GLIS3: variants seen among roughly 807,000 people sequenced by gnomAD.
GLIS3 encodes zinc finger protein GLIS3.
A neutral mutation model predicts 78.6 loss-of-function variants in GLIS3; 53 were observed. The observed-to-expected ratio is 0.67, with a 90% CI of 0.54 to 0.85. The LOEUF (loss-of-function observed/expected upper bound fraction) is 0.85, where lower values mean the gene tolerates loss of function less well. Ranked by LOEUF, GLIS3 falls within the 40% of genes least tolerant of loss-of-function variation. GLIS3 has a pLI of 0.00. For synonymous variants in GLIS3, 684 were observed against 509.9 expected (o/e 1.34, Z -4.60); for missense variants, 1,703 against 1,231.1 (o/e 1.38, Z -5.74).
intron 2 of GLIS3, among the ~76,000 whole-genome samples, chr9:4,281,026 T>A (rs1827496537): frequency 6.6e-6 from 1 of 152,242 alleles, no homozygotes; most frequent in South Asian, 2.1e-4. Context: ...GTTGCATTTA[T>A]CAAGTAGTTA....
chr9:4,383,246 T>C, the GLIS3 span, among the ~76,000 whole-genome samples: 1 of 152,232 alleles, frequency 6.6e-6, no homozygotes, highest in East Asian at 1.9e-4. Flanking sequence ...AAAAAACGCT[T>C]AACGAATTTG....
At chr9:4,051,240 T>A (rs768881881) in intron 4 of GLIS3, among the ~76,000 whole-genome samples, 13 of 152,194 alleles carry the variant, frequency 8.5e-5, no homozygotes, top group Non-Finnish European at 1.3e-4. Flanking sequence ...TAACAAGACA[T>A]TCAATTGCTT....
At chr9:3,947,656 T>C (rs1016504413) in intron 4 of GLIS3, among the ~76,000 whole-genome samples, 13 of 152,364 alleles carry the variant, frequency 8.5e-5, no homozygotes, top group African/African-American at 3.1e-4. Flanking sequence ...TGGCCCACAC[T>C]GAGTTTATTC....
At chr9:3,971,953 A>G (rs372847002) in intron 4 of GLIS3, among the ~76,000 whole-genome samples, 143 of 152,220 alleles carry the variant, frequency 9.4e-4, no homozygotes, top group African/African-American at 3.4e-3. Flanking sequence ...TGCTCTGGAG[A>G]AAACAGTGAG....
At chr9:4,422,456 C>T in the GLIS3 span, among the ~76,000 whole-genome samples, 1 of 152,156 alleles carries the variant, frequency 6.6e-6, no homozygotes, top group African/African-American at 2.4e-5. Flanking sequence ...ATGGTTTCCC[C>T]AGGATTTGGG....
At chr9:4,240,036 A>G (rs1322472655) in intron 2 of GLIS3, among the ~76,000 whole-genome samples, 1 of 151,458 alleles carries the variant, frequency 6.6e-6, no homozygotes, top group African/African-American at 2.4e-5. Flanking sequence ...TTTTTTTTTC[A>G]GTTCCAACTG....
the GLIS3 span, among the ~76,000 whole-genome samples, chr9:4,467,115 G>A: frequency 6.6e-6 from 1 of 152,226 alleles, no homozygotes; most frequent in Admixed American, 6.5e-5. Context: ...CGCTTGAGCA[G>A]GTAAACAAAG....
intron 4 of GLIS3, among the ~76,000 whole-genome samples, chr9:4,092,939 C>A (rs1829647130): frequency 6.6e-6 from 1 of 152,174 alleles, no homozygotes; most frequent in African/African-American, 2.4e-5. Flanking sequence ...ACCAGAATCA[C>A]CCCCATGCAC....
intron 2 of GLIS3, among the ~76,000 whole-genome samples, chr9:4,212,341 T>C (rs1347369423): frequency 6.6e-6 from 1 of 152,224 alleles, no homozygotes; most frequent in Non-Finnish European, 1.5e-5. Flanking sequence ...GGCTCACATC[T>C]TAACAATGGA....
At chr9:4,203,216 G>A (rs1376705195) in intron 2 of GLIS3, among the ~76,000 whole-genome samples, 1 of 152,142 alleles carries the variant, frequency 6.6e-6, no homozygotes, top group Non-Finnish European at 1.5e-5. Context: ...CAACAGACAT[G>A]AAGAAATGCT....
At position 4,037,580 on chromosome 9, in the gene GLIS3, A is replaced by T. The variant is rs528054105; in HGVS notation, c.1710+80188T>A. Among the ~76,000 whole-genome samples, 85 of 150,830 alleles carry T rather than the reference A, an allele frequency of 5.6e-4. No homozygotes were observed. The highest frequency in any genetic ancestry group is 1.9e-3 in the African/African-American group (78 of 41,110). ...CACACACACACACACACACACACAC[A>T]CACAGAGACAATAAATCCTGGGGGA... On this transcript the variant is annotated intron_variant, in intron 4 of 10. Transcript: ENST00000381971.
intron 2 of GLIS3, among the ~76,000 whole-genome samples, chr9:4,311,370 C>T (rs1474889941): frequency 1.3e-5 from 2 of 152,220 alleles, no homozygotes; most frequent in East Asian, 1.9e-4. Context: ...GATAGCACCA[C>T]TACACTCCAG....
intron 2 of GLIS3, among the ~76,000 whole-genome samples, chr9:4,283,506 T>A (rs540012655): frequency 6.6e-6 from 1 of 152,242 alleles, no homozygotes; most frequent in Non-Finnish European, 1.5e-5. Flanking sequence ...CCTCAAATGA[T>A]CTGCCTGCCT....
intron 2 of GLIS3, among the ~76,000 whole-genome samples, chr9:4,192,723 G>C (rs532572676): frequency 1.3e-5 from 2 of 151,202 alleles, no homozygotes; most frequent in South Asian, 4.2e-4. Context: ...TAAGAACACA[G>C]AATAGAACGA....
the GLIS3 span, among the ~76,000 whole-genome samples, chr9:4,372,208 C>G: frequency 6.6e-6 from 1 of 152,196 alleles, no homozygotes; most frequent in African/African-American, 2.4e-5. Context: ...CATGTATGTA[C>G]CACCCGTGCA....
chr9:4,255,100 A>G (rs577317052), intron 2 of GLIS3, among the ~76,000 whole-genome samples: 27 of 152,358 alleles, frequency 1.8e-4, no homozygotes, highest in African/African-American at 6.3e-4. Flanking sequence ...TCACATAAGC[A>G]TATGAGAAGA....
chr9:4,428,515 C>G, the GLIS3 span, among the ~76,000 whole-genome samples: 2 of 148,440 alleles, frequency 1.3e-5, no homozygotes, highest in African/African-American at 4.9e-5. Context: ...AAATTCAGGC[C>G]TAAAGAAGGG....
chr9:4,309,659 T>TAC (rs1240560178), intron 3 of GLIS3, among the ~76,000 whole-genome samples: 3 of 152,236 alleles, frequency 2.0e-5, no homozygotes, highest in Non-Finnish European at 4.4e-5. Flanking sequence ...CTGATTTACA[T>TAC]ACACACTCAT....
intron 2 of GLIS3, among the ~76,000 whole-genome samples, chr9:4,234,425 A>G (rs1334297505): frequency 1.3e-5 from 2 of 152,180 alleles, no homozygotes; most frequent in Non-Finnish European, 2.9e-5. Context: ...AGAGATAGGG[A>G]ATGGGCACTC....
Sources: allele counts gnomAD v4.1 joint callset (sites outside exome capture counted in the v4.1 genomes callset), GRCh38; gene constraint gnomAD v4.1.1; transcripts MANE v1.5; gene names NCBI Gene and HGNC (gene_info 2026-07-23, HGNC 2026-07-21).